Variants in SPTLC1 observed in about 807,000 individuals in gnomAD.
The protein encoded by SPTLC1 is serine palmitoyltransferase long chain base subunit 1, also known as serine palmitoyltransferase 1.
Under a neutral mutation model 68.9 loss-of-function variants are expected in SPTLC1, and 55 were observed. The observed-to-expected ratio is 0.80, with a 90% CI of 0.64 to 1.00. The LOEUF is 1.00. SPTLC1 is among the 50% of genes least tolerant of loss of function. SPTLC1 has a pLI of 0.00. For missense variants in SPTLC1, 449 were observed against 573.1 expected (o/e 0.78, Z 2.21); for synonymous variants, 197 against 201.6 (o/e 0.98, Z 0.19).
intron 1 of SPTLC1, among the ~76,000 whole-genome samples, chr9:92,113,766 A>C (rs896799330): frequency 6.6e-6 from 1 of 152,212 alleles, no homozygotes; most frequent in Non-Finnish European, 1.5e-5. Flanking sequence ...CTGCAATGGA[A>C]GACACTGTCA....
rs78571801 is a variant in SPTLC1, at chr9:92,033,923, G to A, written c.1328+887C>T. ...AAATCCTGGTCTGGCACTGTGGGCC[G>A]GCAGAGCATTCAAACTCCCCAGTGG... On this transcript the variant is annotated intron_variant, in intron 14 of 14. Coordinates refer to ENST00000262554, the MANE Select transcript of SPTLC1 (RefSeq NM_006415.4). 5.7e-3 allele frequency among the ~76,000 whole-genome samples: 862 copies of A among 152,254 alleles called. 6 individuals carry two copies. Among genetic ancestry groups the A allele is most frequent in the African/African-American group, 0.02 (818 of 41,538 alleles).
At chr9:92,105,979 G>C (rs1187304487) in intron 3 of SPTLC1, among the ~76,000 whole-genome samples, 3 of 150,868 alleles carry the variant, frequency 2.0e-5, no homozygotes, top group African/African-American at 7.3e-5. Flanking sequence ...CATCTGGGAA[G>C]TGAGGAGCAC....
intron 3 of SPTLC1, among the ~76,000 whole-genome samples, chr9:92,083,165 G>A (rs1488895826): frequency 6.6e-6 from 1 of 151,794 alleles, no homozygotes; most frequent in Non-Finnish European, 1.5e-5. Context: ...AGTAGGTTGT[G>A]AAAATTTTCT....
intron 13 of SPTLC1, among the ~76,000 whole-genome samples, chr9:92,037,423 A>G (rs946075683): frequency 3.3e-5 from 5 of 152,348 alleles, no homozygotes; most frequent in East Asian, 3.9e-4. Context: ...CAGCCCACAT[A>G]AAAGTCCAGA....
chr9:92,105,457 C>G (rs1048146893), intron 3 of SPTLC1: 4 of 1,200,178 alleles, frequency 3.3e-6, no homozygotes, highest in African/African-American at 1.5e-5. Flanking sequence ...TGTAATCCAG[C>G]ACTTTGGGAG....
At chr9:92,115,207 G>A (rs1564124969) in intron 1 of SPTLC1, 107 bp downstream of exon 1, 1 of 1,123,542 alleles carries the variant, frequency 8.9e-7, no homozygotes, top group Non-Finnish European at 1.3e-6. Flanking sequence ...GAGTCTGGGC[G>A]TGACCGAGCC....
intron 14 of SPTLC1, among the ~76,000 whole-genome samples, chr9:92,032,891 C>A (rs534740335): frequency 4.6e-4 from 69 of 148,682 alleles, no homozygotes; most frequent in Middle Eastern, 3.5e-3. Flanking sequence ...AAAAAAAAAA[C>A]CAAAAACAAA....
At chr9:92,038,150 G>T in intron 13 of SPTLC1, 98 bp downstream of exon 13, 1 of 852,148 alleles carries the variant, frequency 1.2e-6, no homozygotes, top group Non-Finnish European at 2.0e-6. Context: ...TTCTCTCTCA[G>T]GGCAAAGAGA....
At chr9:92,088,306 G>C (rs886787874) in intron 3 of SPTLC1, among the ~76,000 whole-genome samples, 19 of 152,260 alleles carry the variant, frequency 1.2e-4, no homozygotes, top group African/African-American at 4.3e-4. Flanking sequence ...CAGTACCTCA[G>C]ATGGAAATGC....
At chr9:92,085,503 A>G (rs1298657230) in intron 3 of SPTLC1, among the ~76,000 whole-genome samples, 1 of 151,484 alleles carries the variant, frequency 6.6e-6, no homozygotes, top group East Asian at 1.9e-4. Context: ...TTATGTACCC[A>G]GTAGTCATTC....
At chr9:92,037,820 C>T (rs1307758145) in intron 13 of SPTLC1, among the ~76,000 whole-genome samples, 1 of 152,210 alleles carries the variant, frequency 6.6e-6, no homozygotes, top group Non-Finnish European at 1.5e-5. Flanking sequence ...TGGACTGTCC[C>T]TGAGCTGTGC....
chr9:92,114,029 T>C (rs548631348), intron 1 of SPTLC1, among the ~76,000 whole-genome samples: 13 of 152,216 alleles, frequency 8.5e-5, no homozygotes, highest in African/African-American at 2.9e-4. Context: ...ATCCCAGCAC[T>C]TTGGGAGGCC....
chr9:92,034,024 G>T (rs1179139806), intron 14 of SPTLC1, among the ~76,000 whole-genome samples: 1 of 152,156 alleles, frequency 6.6e-6, no homozygotes, highest in East Asian at 1.9e-4. Flanking sequence ...CTTGCACTCT[G>T]TACTCCCAGA....
Position 92,084,555 on chromosome 9 carries a change from A to G in SPTLC1, c.261-3592T>C, listed in dbSNP as rs954636920. On this transcript the variant is annotated intron_variant, in intron 3 of 14. Coordinates refer to ENST00000262554, the MANE Select transcript of SPTLC1 (RefSeq NM_006415.4). ...TGCTGGATTACATTTATTGATTTGCATATATTGAACCAGCCTTGCATCCCA... is the reference window on the plus strand; with the variant it reads ...TGCTGGATTACATTTATTGATTTGCGTATATTGAACCAGCCTTGCATCCCA... 3.2e-3 allele frequency among the ~76,000 whole-genome samples: 480 copies of G among 152,172 alleles called. 2 individuals carry two copies. The highest frequency in any genetic ancestry group is 0.01 in the African/African-American group (430 of 41,484).
chr9:92,045,524 TAAAAAAAAAAA>T lies in SPTLC1; in HGVS notation c.1136+464_1136+474del, dbSNP rs71362367. On this transcript the variant is annotated intron_variant, in intron 12 of 14. Coordinates refer to ENST00000262554, the MANE Select transcript of SPTLC1 (RefSeq NM_006415.4). ...AAAAAAAAAAGTGACTCTTGTGTAG[TAAAAAAAAAAA>T]AAAAAAAAAAAAAAAAACACTGATA... 1.3e-3 allele frequency among the ~76,000 whole-genome samples: 41 copies of T among 31,626 alleles called. No homozygotes were observed. In the East Asian group the frequency reaches 0.027, roughly 21 times the overall value. 20.7% of individuals were successfully genotyped at this position (31,626 alleles called of 152,430 possible).
chr9:92,094,594 T>A (rs1276550487), intron 3 of SPTLC1, among the ~76,000 whole-genome samples: 2 of 152,228 alleles, frequency 1.3e-5, no homozygotes, highest in Non-Finnish European at 2.9e-5. Context: ...TTTCTGAGAT[T>A]ATCTGACATG....
At chr9:92,057,212 C>T (rs143477744) in intron 7 of SPTLC1, among the ~76,000 whole-genome samples, 1 of 152,276 alleles carries the variant, frequency 6.6e-6, no homozygotes, top group East Asian at 1.9e-4. Flanking sequence ...TTAATGGAGA[C>T]GTTCTGCCTG....
In SPTLC1 at chr9:92,105,419, C is replaced by A. The variant is rs1424163979; in HGVS notation, c.260+3321G>T. The A allele has an allele frequency of 1.4e-5, 21 of 1,469,426 alleles. No individual in the cohort carries two copies. The East Asian group carries it at 4.4e-4, about 31-fold the overall frequency. The allele number at this position is 1,469,426 out of a possible 1,614,324, so 91.0% of individuals were successfully genotyped here. A position where few individuals can be genotyped will look rare whatever the true frequency, so the allele number is the denominator to read the frequency against. ...GCTGCTTAGGAGGAGAAAGAAGAGA[C>A]AGCAGGGCAGGCGTGGTGGCCCACG... On this transcript the variant is annotated intron_variant, in intron 3 of 14. Coordinates refer to ENST00000262554, the MANE Select transcript of SPTLC1 (RefSeq NM_006415.4).
intron 3 of SPTLC1, among the ~76,000 whole-genome samples, chr9:92,096,472 A>G (rs568187479): frequency 1.5e-3 from 221 of 152,334 alleles, no homozygotes; most frequent in African/African-American, 5.1e-3. Context: ...AAAACTGAAG[A>G]AAAAGCCAAG....
Sources: allele counts gnomAD v4.1 joint callset (sites outside exome capture counted in the v4.1 genomes callset), GRCh38; gene constraint gnomAD v4.1.1; transcripts MANE v1.5; gene names NCBI Gene and HGNC (gene_info 2026-07-23, HGNC 2026-07-21).